The following STK32B variants were observed in gnomAD, a reference collection of about 807,000 sequenced individuals.
STK32B encodes the protein serine/threonine-protein kinase 32B.
STK32B carries 43 observed loss-of-function variants against 52.6 expected under a neutral mutation model. The observed-to-expected ratio is 0.82, with a 90% CI of 0.64 to 1.05. STK32B has a LOEUF of 1.05. Among genes scored for constraint, STK32B ranks in the 50% least tolerant of loss-of-function variants. The pLI is 0.00. For synonymous variants in STK32B, 238 were observed against 204.3 expected, an observed-to-expected ratio of 1.17 and a Z score of -1.41; for missense variants, 621 against 534.6, an observed-to-expected ratio of 1.16 and a Z score of -1.59.
At chr4:5,094,937 T>A (rs1172795086) in intron 1 of STK32B, among the ~76,000 whole-genome samples, 3 of 152,222 alleles carry the variant, frequency 2.0e-5, no homozygotes, top group African/African-American at 7.2e-5. Context: ...CCTGCATTAC[T>A]GCACACTACT....
Position 5,316,815 on chromosome 4 carries a change from T to C in STK32B, c.261-14405T>C, listed in dbSNP as rs1259626931. Among the ~76,000 whole-genome samples the C allele has an allele frequency of 5.4e-4, 5 of 9,292 alleles. 1 individual carries two copies. Among genetic ancestry groups the C allele is most frequent in the African/African-American group, 4.4e-3 (5 of 1,130 alleles). The allele number at this position is 9,292 out of a possible 152,430, so 6.1% of individuals were successfully genotyped here. On this transcript the variant is annotated intron_variant, in intron 3 of 11. Coordinates refer to ENST00000282908, the MANE Select transcript of STK32B (RefSeq NM_018401.3). ...TATATTATATATTATATATATTATA[T>C]ATTATATCATATATATTATATATTA...
At chr4:5,228,319 A>T (rs918744779) in intron 3 of STK32B, among the ~76,000 whole-genome samples, 1 of 152,154 alleles carries the variant, frequency 6.6e-6, no homozygotes, top group African/African-American at 2.4e-5. Context: ...TAAATCTTTA[A>T]TTGGAAGGGT....
chr4:5,090,514 T>C (rs989653767), intron 1 of STK32B, among the ~76,000 whole-genome samples: 8 of 151,972 alleles, frequency 5.3e-5, no homozygotes, highest in African/African-American at 1.7e-4. Flanking sequence ...TAGCTGGGAC[T>C]ACAGGTGCCT....
Position 5,412,930 on chromosome 4 carries a change from G to C in STK32B, c.473-3915G>C, listed in dbSNP as rs895098942. Among the ~76,000 whole-genome samples, 5 of 152,032 alleles carry C rather than the reference G, an allele frequency of 3.3e-5. No individual in the cohort carries two copies. In the East Asian group the frequency reaches 7.7e-4, roughly 24 times the overall value. ...GCCACCATCCTGTCTCAGCCCAGAA[G>C]GTCTGACACATTTTTCCCTTCCCTT... On this transcript the variant is annotated intron_variant, in intron 5 of 11. Transcript: ENST00000282908.
intron 1 of STK32B, among the ~76,000 whole-genome samples, chr4:5,070,355 T>G (rs1295617460): frequency 6.6e-6 from 1 of 152,136 alleles, no homozygotes; most frequent in South Asian, 2.1e-4. Flanking sequence ...TTGTTTTTGC[T>G]GTATTTCTTG....
At chr4:5,198,447 T>G (rs1318886117) in intron 3 of STK32B, among the ~76,000 whole-genome samples, 1 of 152,180 alleles carries the variant, frequency 6.6e-6, no homozygotes, top group Non-Finnish European at 1.5e-5. Flanking sequence ...CTAATAATTT[T>G]TTTCAGAGGA....
rs1742092359 is a variant in STK32B, at chr4:5,058,509, G to C, written c.52+6594G>C. 6.6e-6 allele frequency among the ~76,000 whole-genome samples: 1 copy of C among 152,190 alleles called. No individual in the cohort carries two copies. Among genetic ancestry groups the C allele is most frequent in the South Asian group, 2.1e-4 (1 of 4,828 alleles). ...CAGAGATCACACTCACTGCTAGCCA[G>C]CCTGCACTGAGACATGGCATGAGTG... On this transcript the variant is annotated intron_variant, in intron 1 of 11. Transcript: ENST00000282908. This position sits in a 1 kb window ranked among gnomAD's most constrained non-coding sequence, Gnocchi z 4.8.
intron 4 of STK32B, among the ~76,000 whole-genome samples, chr4:5,335,336 T>C (rs963845765): frequency 2.0e-5 from 3 of 152,164 alleles, no homozygotes; most frequent in Non-Finnish European, 4.4e-5. Context: ...CCCTTTATCA[T>C]TTTTTATTGC....
intron 4 of STK32B, among the ~76,000 whole-genome samples, chr4:5,361,604 A>T (rs1017457379): frequency 2.6e-5 from 4 of 152,176 alleles, no homozygotes; most frequent in Non-Finnish European, 5.9e-5. Flanking sequence ...GGCTGAAGTG[A>T]TCCTCCGACC....
At chr4:5,075,200 T>A (rs983827784) in intron 1 of STK32B, among the ~76,000 whole-genome samples, 1 of 152,208 alleles carries the variant, frequency 6.6e-6, no homozygotes, top group Non-Finnish European at 1.5e-5. Flanking sequence ...TATTTATAAT[T>A]TATAACTCAT....
intron 3 of STK32B, among the ~76,000 whole-genome samples, chr4:5,220,027 G>A (rs760931744): frequency 1.3e-5 from 2 of 152,126 alleles, no homozygotes; most frequent in Non-Finnish European, 2.9e-5. Flanking sequence ...CTGTGGGCAC[G>A]TTCAATTTTA....
chr4:5,167,615 C>T (rs1291719066), intron 2 of STK32B, among the ~76,000 whole-genome samples: 1 of 152,166 alleles, frequency 6.6e-6, no homozygotes, highest in East Asian at 1.9e-4. Context: ...GCTTGTTACC[C>T]CACTGTGGGG....
At chr4:5,308,381 T>C (rs527899140) in intron 3 of STK32B, among the ~76,000 whole-genome samples, 99 of 152,336 alleles carry the variant, frequency 6.5e-4, no homozygotes, top group African/African-American at 2.4e-3. Flanking sequence ...AGCTGCAAGT[T>C]AGTCCTGCCT....
intron 4 of STK32B, among the ~76,000 whole-genome samples, chr4:5,332,185 A>C (rs1018748833): frequency 4.6e-5 from 7 of 152,238 alleles, no homozygotes; most frequent in Admixed American, 4.6e-4. Flanking sequence ...TCCCTTGTTA[A>C]ACTCCATTAA....
chr4:5,125,223 A>G (rs1450325194), intron 1 of STK32B, among the ~76,000 whole-genome samples: 2 of 152,124 alleles, frequency 1.3e-5, no homozygotes, highest in African/African-American at 4.8e-5. Context: ...TGGTCTTCTG[A>G]TACCTTAAAC....
chr4:5,222,773 G>A (rs1165321571), intron 3 of STK32B, among the ~76,000 whole-genome samples: 1 of 152,218 alleles, frequency 6.6e-6, no homozygotes, highest in Non-Finnish European at 1.5e-5. Context: ...AAAGCAGAAT[G>A]TAAAGATTTG....
intron 3 of STK32B, among the ~76,000 whole-genome samples, chr4:5,322,444 A>T (rs543495547): frequency 7.3e-4 from 111 of 152,194 alleles, no homozygotes; most frequent in Middle Eastern, 3.4e-3. Context: ...GCCTGAGGAG[A>T]TGCTCAGCTC....
At chr4:5,299,750 C>G (rs1347663407) in intron 3 of STK32B, among the ~76,000 whole-genome samples, 1 of 152,048 alleles carries the variant, frequency 6.6e-6, no homozygotes, top group East Asian at 1.9e-4. Flanking sequence ...GTTATCCATT[C>G]TTTTTTTGGC....
intron 4 of STK32B, among the ~76,000 whole-genome samples, chr4:5,346,727 T>C (rs924479016): frequency 4.6e-5 from 7 of 152,154 alleles, no homozygotes; most frequent in African/African-American, 1.7e-4. Context: ...CACAGAGCTG[T>C]TGAGGGATTG....
Sources: allele counts gnomAD v4.1 joint callset (sites outside exome capture counted in the v4.1 genomes callset), GRCh38; gene constraint gnomAD v4.1.1; non-coding constraint Gnocchi (gnomAD v3.1); transcripts MANE v1.5; gene names NCBI Gene and HGNC (gene_info 2026-07-23, HGNC 2026-07-21).